Variants in NGLY1 observed in about 807,000 individuals in gnomAD.
NGLY1 encodes N-glycanase 1, also known as peptide-N(4)-(N-acetyl-beta-glucosaminyl)asparagine amidase.
In NGLY1, 68 loss-of-function variants were observed where a neutral mutation model predicts 84.6. The ratio of observed to expected loss-of-function variants is 0.80; its 90% CI spans 0.66 to 0.98. The LOEUF (loss-of-function observed/expected upper bound fraction) is 0.98. Ranked by LOEUF, NGLY1 falls within the 50% of genes least tolerant of loss-of-function variation. The pLI is 0.00. For missense variants in NGLY1, 779 were observed against 770.2 expected (o/e 1.01, Z -0.14); for synonymous variants, 280 against 275.2 (o/e 1.02, Z -0.17).
chr3:25,722,530 T>C (rs1705054651), intron 10 of NGLY1, among the ~76,000 whole-genome samples: 1 of 152,192 alleles, frequency 6.6e-6, no homozygotes, highest in Admixed American at 6.5e-5. Flanking sequence ...ATTAATTTAA[T>C]CTGAAAATTT....
At chr3:25,775,760 G>A (rs917612865) in intron 2 of NGLY1, among the ~76,000 whole-genome samples, 16 of 152,098 alleles carry the variant, frequency 1.1e-4, no homozygotes, top group African/African-American at 3.6e-4. Context: ...TAAATAGGAG[G>A]AATAATTTCT....
chr3:25,720,277 C>A, intron 10 of NGLY1, 86 bp from the exon 11 acceptor site: 1 of 1,083,322 alleles, frequency 9.2e-7, no homozygotes, highest in Non-Finnish European at 1.4e-6. Context: ...ATATTACTGT[C>A]ACAGGGTAGT....
rs565015455 is a variant in NGLY1, at chr3:25,764,153, A to G, written c.405T>C (p.Pro135=). 3 of 1,614,066 alleles carry G rather than the reference A, an allele frequency of 1.9e-6. No homozygotes were observed. Among genetic ancestry groups the G allele is most frequent in the Non-Finnish European group, 2.5e-6 (3 of 1,180,032 alleles). ...CACTGGGATTTGAAGATGGTGTTGT[A>G]GGAAGCTGGGTACTGGCTGCAGGTT... is the stretch of plus-strand genomic sequence containing the variant. ...SQQPAASTQL[P]TTPSSNPSGL... Residue 135 remains proline, a synonymous_variant, in exon 3 of 12, where the codon CCT becomes CCC. Coordinates refer to ENST00000280700, the MANE Select transcript of NGLY1 (RefSeq NM_018297.4).
At chr3:25,749,895 A>C in intron 4 of NGLY1, 1 of 818,600 alleles carries the variant, frequency 1.2e-6, no homozygotes, top group Non-Finnish European at 2.1e-6. Flanking sequence ...GAAAATGAGT[A>C]GACAGCTCAT....
intron 3 of NGLY1, chr3:25,755,738 A>T: frequency 3.0e-6 from 3 of 1,010,948 alleles, no homozygotes; most frequent in Non-Finnish European, 2.9e-6. Flanking sequence ...AGCCCAATAT[A>T]CTGAACTAGA....
At chr3:25,759,587 T>C (rs1447016738) in intron 3 of NGLY1, among the ~76,000 whole-genome samples, 1 of 152,132 alleles carries the variant, frequency 6.6e-6, no homozygotes, top group Non-Finnish European at 1.5e-5. Flanking sequence ...TTGGCACAAC[T>C]CTGAAAAAAC....
At chr3:25,731,074 A>C (rs1705515634) in intron 9 of NGLY1, among the ~76,000 whole-genome samples, 1 of 152,028 alleles carries the variant, frequency 6.6e-6, no homozygotes, top group South Asian at 2.1e-4. Flanking sequence ...TTAATTTTGG[A>C]AGATTAATCA....
At chr3:25,783,956 T>A (rs796622328), upstream of NGLY1, 1 of 152,274 alleles carries the variant, frequency 6.6e-6, no homozygotes, top group African/African-American at 2.4e-5. The surrounding 1 kb of genome is among the most constrained non-coding windows in gnomAD (Gnocchi z 4.5). Flanking sequence ...CCGGATCCCT[T>A]TGCGCTCCGG....
chr3:25,755,587 C>T, intron 3 of NGLY1: 1 of 1,450,692 alleles, frequency 6.9e-7, no homozygotes, highest in Non-Finnish European at 9.7e-7. Context: ...ATTCTTATTC[C>T]CATCAACATG....
chr3:25,769,096 C>T (rs568731788), intron 2 of NGLY1, among the ~76,000 whole-genome samples: 5 of 151,992 alleles, frequency 3.3e-5, no homozygotes, highest in African/African-American at 9.7e-5. Flanking sequence ...CATTGGCTCA[C>T]GCCTGTAATC....
At chr3:25,786,959 A>T (rs1350308472), upstream of NGLY1, among the ~76,000 whole-genome samples, 3 of 152,244 alleles carry the variant, frequency 2.0e-5, no homozygotes, top group Non-Finnish European at 4.4e-5. Context: ...TGTGAAGGAG[A>T]CAAGTATGGT....
In NGLY1 at chr3:25,739,568, G is replaced by A. The variant is rs1360670766; in HGVS notation, c.881+9C>T. On this transcript the variant is annotated intron_variant, in intron 5 of 11. Transcript: ENST00000280700. Reference sequence around the variant, plus strand: ...AGATTATTCTGATTTTACCATCCAGGGCACCCACCTTGGGAATCGATTGCT... The same window carrying A: ...AGATTATTCTGATTTTACCATCCAGAGCACCCACCTTGGGAATCGATTGCT... 2.5e-6 allele frequency: 4 copies of A among 1,612,640 alleles called. No individual in the cohort carries two copies. Among genetic ancestry groups the A allele is most frequent in the Non-Finnish European group, 3.4e-6 (4 of 1,179,142 alleles).
chr3:25,736,663 A>G (rs1054729736), intron 6 of NGLY1: 3 of 312,044 alleles, frequency 9.6e-6, no homozygotes, highest in African/African-American at 6.5e-5. Context: ...CATGTAGACC[A>G]CACAAGTTAT....
At chr3:25,731,758 A>C (rs1231423600) in intron 9 of NGLY1, among the ~76,000 whole-genome samples, 1 of 152,180 alleles carries the variant, frequency 6.6e-6, no homozygotes, top group Admixed American at 6.6e-5. Flanking sequence ...AACATACCAT[A>C]CACGTTGCAA....
At chr3:25,775,851 G>A (rs535501235) in intron 2 of NGLY1, among the ~76,000 whole-genome samples, 106 of 152,250 alleles carry the variant, frequency 7.0e-4, no homozygotes, top group Non-Finnish European at 1.2e-3. Context: ...ACAGAATTTT[G>A]AATGTTTCTA....
chr3:25,722,361 T>C (rs182719638), intron 10 of NGLY1, among the ~76,000 whole-genome samples: 129 of 152,180 alleles, frequency 8.5e-4, no homozygotes, highest in Non-Finnish European at 1.3e-3. Flanking sequence ...TAGTTGAAAG[T>C]ACCATATAAA....
chr3:25,786,934 C>G (rs935400360), upstream of NGLY1, among the ~76,000 whole-genome samples: 2 of 152,324 alleles, frequency 1.3e-5, no homozygotes, highest in African/African-American at 2.4e-5. Flanking sequence ...GAAGTGACTA[C>G]TAGTTGCTCA....
In NGLY1 at chr3:25,772,410, T is replaced by A. The variant is rs534688575; in HGVS notation, c.246+6164A>T. On this transcript the variant is annotated intron_variant, in intron 2 of 11. Transcript: ENST00000280700. ...TATCATTAAATAATGCCCCCCTTTG[T>A]CTTTTTTTAACTGTTGCTTTGAAGT... 8.5e-5 allele frequency among the ~76,000 whole-genome samples: 13 copies of A among 152,346 alleles called. No homozygotes were observed. In the South Asian group the frequency reaches 1.9e-3, roughly 22 times the overall value.
chr3:25,722,565 T>C (rs1328188456), intron 10 of NGLY1, among the ~76,000 whole-genome samples: 1 of 152,216 alleles, frequency 6.6e-6, no homozygotes, highest in African/African-American at 2.4e-5. Flanking sequence ...TTAGAGATTA[T>C]GTAACAACTG....
Sources: gnomAD v4.1 joint callset for allele counts (sites outside exome capture counted in the v4.1 genomes callset) on GRCh38, gnomAD v4.1.1 for gene constraint, Gnocchi (gnomAD v3.1) non-coding constraint, MANE v1.5 for transcripts, NCBI Gene and HGNC (gene_info 2026-07-23, HGNC 2026-07-21) for gene names.